Variants in TASP1 observed in about 807,000 individuals in gnomAD.
The protein encoded by TASP1 is taspase 1, also known as threonine aspartase 1.
TASP1 carries 16 observed loss-of-function variants against 56.6 expected under a neutral mutation model. The observed-to-expected ratio is 0.28, with a 90% CI of 0.19 to 0.43. The LOEUF (loss-of-function observed/expected upper bound fraction) is 0.43. TASP1 is among the 20% of genes least tolerant of loss of function. The probability of loss-of-function intolerance (pLI) is 1.00; values close to 1 mark genes in which losing one functional copy is unlikely to be tolerated. For synonymous variants in TASP1, 179 were observed against 184.2 expected (o/e 0.97, Z 0.23); for missense variants, 393 against 511.6 (o/e 0.77, Z 2.24).
intron 11 of TASP1, among the ~76,000 whole-genome samples, chr20:13,457,780 G>C (rs1221271730): frequency 6.6e-6 from 1 of 152,072 alleles, no homozygotes; most frequent in African/African-American, 2.4e-5. Context: ...CAATCTAATA[G>C]AGCTATGTTA....
chr20:13,206,804 C>T, the TASP1 span, among the ~76,000 whole-genome samples: 1 of 152,140 alleles, frequency 6.6e-6, no homozygotes, highest in Non-Finnish European at 1.5e-5. Context: ...CCATATGACC[C>T]CACCGGGGTG....
At chr20:13,290,668 A>G in the TASP1 span, among the ~76,000 whole-genome samples, 1 of 152,212 alleles carries the variant, frequency 6.6e-6, no homozygotes, top group South Asian at 2.1e-4. Flanking sequence ...AAAACAAAAA[A>G]AGAAAGAAAG....
chr20:13,579,549 G>A (rs865890790), intron 6 of TASP1, among the ~76,000 whole-genome samples: 1 of 152,034 alleles, frequency 6.6e-6, no homozygotes, highest in Non-Finnish European at 1.5e-5. Flanking sequence ...ACTTTTAGTA[G>A]AGACGGGGTT....
chr20:13,215,440 A>G, the TASP1 span, among the ~76,000 whole-genome samples: 2 of 152,232 alleles, frequency 1.3e-5, no homozygotes, highest in African/African-American at 4.8e-5. Context: ...CACGGAAATA[A>G]TAACAACAAA....
chr20:13,288,637 G>C, the TASP1 span: 11 of 1,613,972 alleles, frequency 6.8e-6, no homozygotes, highest in African/African-American at 1.5e-4. Context: ...GTGGCTACGC[G>C]TGCACTGCAA....
intron 1 of TASP1, among the ~76,000 whole-genome samples, 198 bp downstream of exon 1, chr20:13,638,695 CG>C (rs2049402718): frequency 6.6e-6 from 1 of 152,174 alleles, no homozygotes; most frequent in African/African-American, 2.4e-5. Context: ...ACGACGGGGC[CG>C]CCTAGAGCGA....
chr20:13,246,386 C>A, the TASP1 span, among the ~76,000 whole-genome samples: 1 of 152,152 alleles, frequency 6.6e-6, no homozygotes. Context: ...CTGCTCCCTG[C>A]CTATCTGTGG....
intron 10 of TASP1, among the ~76,000 whole-genome samples, chr20:13,502,807 G>T (rs1239297106): frequency 6.6e-6 from 1 of 152,130 alleles, no homozygotes; most frequent in Non-Finnish European, 1.5e-5. Context: ...ATACATCTGT[G>T]GGAGTCCAGA....
the TASP1 span, among the ~76,000 whole-genome samples, chr20:13,275,235 C>T: frequency 1.3e-5 from 2 of 151,644 alleles, no homozygotes; most frequent in African/African-American, 4.8e-5. Flanking sequence ...CCTTTTTTTC[C>T]TTGCACAGAC....
chr20:13,575,807 C>T lies in TASP1; in HGVS notation c.488+5090G>A, dbSNP rs572152442. 9.9e-5 allele frequency among the ~76,000 whole-genome samples: 15 copies of T among 152,126 alleles called. No homozygotes were observed. The East Asian group carries it at 1.4e-3, about 14-fold the overall frequency. On this transcript the variant is annotated intron_variant, in intron 6 of 13. Transcript: ENST00000337743. ...ACTCTCACACTTCTCTACCATATAC[C>T]GCATTGGAGGTTCCAGACAATGCAA...
chr20:13,453,584 G>A (rs549817525), intron 11 of TASP1, among the ~76,000 whole-genome samples: 88 of 152,236 alleles, frequency 5.8e-4, no homozygotes, highest in Non-Finnish European at 1.1e-3. Flanking sequence ...AACTGAAAGG[G>A]AGGGAGATCA....
the TASP1 span, among the ~76,000 whole-genome samples, chr20:13,362,610 T>C: frequency 4.5e-4 from 69 of 151,792 alleles, no homozygotes; most frequent in South Asian, 6.7e-3. Flanking sequence ...GGACTCAGCC[T>C]GCCTGCACCC....
chr20:13,637,791 A>C (rs911313640), intron 1 of TASP1, among the ~76,000 whole-genome samples: 1 of 152,216 alleles, frequency 6.6e-6, no homozygotes, highest in Non-Finnish European at 1.5e-5. Context: ...GGGGGTGATG[A>C]AAATGTTCTG....
At chr20:13,294,567 T>C in the TASP1 span, among the ~76,000 whole-genome samples, 1 of 152,136 alleles carries the variant, frequency 6.6e-6, no homozygotes, top group Non-Finnish European at 1.5e-5. Flanking sequence ...ACACCAGAGC[T>C]GAGTAGACAT....
chr20:13,161,252 G>A, the TASP1 span, among the ~76,000 whole-genome samples: 1 of 152,134 alleles, frequency 6.6e-6, no homozygotes, highest in African/African-American at 2.4e-5. Context: ...AATGAGATAA[G>A]GTATACAGTA....
intron 8 of TASP1, among the ~76,000 whole-genome samples, chr20:13,544,703 T>C (rs1050888436): frequency 6.6e-6 from 1 of 152,254 alleles, no homozygotes; most frequent in African/African-American, 2.4e-5. Flanking sequence ...TTGTCCAATT[T>C]GGCTCTTTCC....
intron 10 of TASP1, among the ~76,000 whole-genome samples, chr20:13,495,665 C>A (rs964462725): frequency 6.6e-6 from 1 of 151,982 alleles, no homozygotes; most frequent in African/African-American, 2.4e-5. Context: ...GACAAATAGA[C>A]AATATACAAT....
chr20:13,140,169 AGACATTAAG>A, the TASP1 span, among the ~76,000 whole-genome samples: 1 of 152,252 alleles, frequency 6.6e-6, no homozygotes, highest in African/African-American at 2.4e-5. Flanking sequence ...AGTAGCATAC[AGACATTAAG>A]GACTTTTTTT....
intron 7 of TASP1, among the ~76,000 whole-genome samples, chr20:13,566,966 CACAT>C (rs1314101151): frequency 1.3e-5 from 2 of 152,148 alleles, no homozygotes; most frequent in Non-Finnish European, 2.9e-5. Flanking sequence ...GTCATAAAGA[CACAT>C]GCATGCATCT....
Sources: allele counts gnomAD v4.1 joint callset (sites outside exome capture counted in the v4.1 genomes callset), GRCh38; gene constraint gnomAD v4.1.1; transcripts MANE v1.5; gene names NCBI Gene and HGNC (gene_info 2026-07-23, HGNC 2026-07-21).